Variants in BCAR3 observed in about 807,000 individuals in gnomAD.
BCAR3 encodes BCAR3 adaptor protein, NSP family member, also known as breast cancer anti-estrogen resistance protein 3.
A neutral mutation model predicts 80.1 loss-of-function variants in BCAR3; 37 were observed. The ratio of observed to expected loss-of-function variants is 0.46; its 90% confidence interval spans 0.36 to 0.61. The LOEUF (loss-of-function observed/expected upper bound fraction) is 0.61, where lower values mean the gene tolerates loss of function less well. Ranked by LOEUF, BCAR3 falls within the 20% of genes least tolerant of loss-of-function variation. The pLI, the probability that BCAR3 is intolerant of heterozygous loss-of-function variation, is 0.00. For missense variants in BCAR3, 978 were observed against 1,068.2 expected, an observed-to-expected ratio of 0.92 and a Z score of 1.18; for synonymous variants, 389 against 418.9, an observed-to-expected ratio of 0.93 and a Z score of 0.87.
At chr1:93,627,721 T>A (rs1675494000) in intron 3 of BCAR3, among the ~76,000 whole-genome samples, 1 of 152,230 alleles carries the variant, frequency 6.6e-6, no homozygotes, top group South Asian at 2.1e-4. Flanking sequence ...TTTTAAAATA[T>A]TCCATTTTAA....
chr1:93,671,095 C>A (rs780397643), intron 2 of BCAR3, among the ~76,000 whole-genome samples: 1 of 152,150 alleles, frequency 6.6e-6, no homozygotes, highest in Non-Finnish European at 1.5e-5. Flanking sequence ...CAGGTTCAAG[C>A]GATTCTCTTG....
At chr1:93,588,162 C>A (rs1403563939) in intron 5 of BCAR3, among the ~76,000 whole-genome samples, 3 of 152,200 alleles carry the variant, frequency 2.0e-5, no homozygotes, top group Non-Finnish European at 4.4e-5. Context: ...GACCCCAAAA[C>A]TGCTGCTGGA....
At chr1:93,648,821 C>G (rs1198599032) in intron 2 of BCAR3, 1 of 152,488 alleles carries the variant, frequency 6.6e-6, no homozygotes, top group Non-Finnish European at 1.5e-5. Context: ...CCAACCTCCT[C>G]CAGGAAGCCC....
At chr1:93,627,264 G>T (rs1675479715) in intron 3 of BCAR3, among the ~76,000 whole-genome samples, 1 of 152,166 alleles carries the variant, frequency 6.6e-6, no homozygotes. Context: ...ATAAACTCAT[G>T]CATGGGTAAA....
chr1:93,667,999 C>T (rs1354879082), intron 2 of BCAR3, among the ~76,000 whole-genome samples: 5 of 152,178 alleles, frequency 3.3e-5, no homozygotes, highest in African/African-American at 9.7e-5. Context: ...AACTGCATAG[C>T]ACCTCTGTTT....
chr1:93,805,959 G>C (rs1444792180), intron 2 of BCAR3, among the ~76,000 whole-genome samples: 1 of 151,918 alleles, frequency 6.6e-6, no homozygotes, highest in Non-Finnish European at 1.5e-5. Flanking sequence ...TAAAAATATG[G>C]TTTCCAAAAT....
intron 9 of BCAR3, among the ~76,000 whole-genome samples, chr1:93,568,617 G>A: frequency 6.6e-6 from 1 of 152,032 alleles, no homozygotes; most frequent in East Asian, 1.9e-4. Flanking sequence ...AAATAAAACT[G>A]GAATTGACCT....
chr1:93,576,001 C>G lies in BCAR3; in HGVS notation c.1802+13G>C, dbSNP rs376588508. 3.1e-6 allele frequency: 5 copies of G among 1,609,272 alleles called. No homozygotes were observed. In the African/African-American group the frequency reaches 5.4e-5, roughly 17 times the overall value. ...CTGGGAGGGTCGGAAGTGCAGAGGA[C>G]GGCACTGCTCACCTTTCAATTATGT... is the stretch of plus-strand genomic sequence containing the variant. On this transcript the variant is annotated intron_variant, in intron 8 of 11. Transcript: ENST00000260502.
At chr1:93,809,995 G>A (rs1653777660) in intron 2 of BCAR3, among the ~76,000 whole-genome samples, 1 of 151,804 alleles carries the variant, frequency 6.6e-6, no homozygotes, top group Non-Finnish European at 1.5e-5. Context: ...GAGGTCAGGA[G>A]TTCGAGACCA....
chr1:93,691,387 T>TGACA (rs1325287587), intron 3 of BCAR3, among the ~76,000 whole-genome samples: 7 of 152,256 alleles, frequency 4.6e-5, no homozygotes, highest in Non-Finnish European at 8.8e-5. Flanking sequence ...GGGGCAAGTA[T>TGACA]GACAGACACA....
intron 2 of BCAR3, among the ~76,000 whole-genome samples, chr1:93,817,417 T>C (rs1029225323): frequency 6.6e-6 from 1 of 152,220 alleles, no homozygotes; most frequent in African/African-American, 2.4e-5. Context: ...GTATTTTACA[T>C]GTTATATTAT....
intron 7 of BCAR3, among the ~76,000 whole-genome samples, chr1:93,580,879 G>C (rs1286955677): frequency 6.6e-6 from 1 of 152,158 alleles, no homozygotes; most frequent in Non-Finnish European, 1.5e-5. Context: ...AATGGTGATG[G>C]GCCGGGTGCG....
intron 2 of BCAR3, among the ~76,000 whole-genome samples, chr1:93,706,903 GC>G (rs1649843953): frequency 2.0e-5 from 3 of 152,206 alleles, no homozygotes; most frequent in Admixed American, 1.3e-4. Context: ...TAGGCCGGGC[GC>G]AGGGGCTTAC....
intron 3 of BCAR3, among the ~76,000 whole-genome samples, chr1:93,701,331 C>A (rs1277750152): frequency 6.6e-6 from 1 of 152,158 alleles, no homozygotes; most frequent in Non-Finnish European, 1.5e-5. Flanking sequence ...TCCTTCCAAC[C>A]CAAAACGTGC....
At chr1:93,846,932 C>T in intron 1 of BCAR3, 1 of 450,716 alleles carries the variant, frequency 2.2e-6, no homozygotes, top group Non-Finnish European at 4.6e-6. Context: ...TTTTTCGAAC[C>T]CCGCGCAAAT....
At chr1:93,713,781 C>G (rs1026031760) in intron 2 of BCAR3, among the ~76,000 whole-genome samples, 1 of 152,058 alleles carries the variant, frequency 6.6e-6, no homozygotes, top group African/African-American at 2.4e-5. Context: ...GAAGTGGTTA[C>G]TTAGTGAATT....
chr1:93,683,555 C>T (rs1044592395), upstream of BCAR3, among the ~76,000 whole-genome samples: 1 of 152,146 alleles, frequency 6.6e-6, no homozygotes, highest in African/African-American at 2.4e-5. Flanking sequence ...CCCAAATGTC[C>T]ATCAGCAGAA....
intron 2 of BCAR3, among the ~76,000 whole-genome samples, chr1:93,757,562 C>T (rs770166956): frequency 1.6e-4 from 25 of 152,210 alleles, no homozygotes; most frequent in Non-Finnish European, 3.1e-4. Context: ...CACGACTCCT[C>T]TGCACTTCAT....
Position 93,582,876 on chromosome 1 carries a change from C to CGCT in BCAR3, c.1108_1110dup (p.Ser370dup). Reference sequence around the variant, plus strand: ...ACCACTGCTGGGCTCAGGGCAGGCTCGCTTCCCGTCCTGAACACAGGTGAG... The same window carrying CGCT: ...ACCACTGCTGGGCTCAGGGCAGGCTCGCTGCTTCCCGTCCTGAACACAGGTGAG... On this transcript the variant is annotated inframe_insertion, in exon 7 of 12. Coordinates refer to ENST00000260502, the MANE Select transcript of BCAR3 (RefSeq NM_003567.4). 6.2e-7 allele frequency: 1 copy of CGCT among 1,611,062 alleles called. No homozygotes were observed.
Sources: allele counts gnomAD v4.1 joint callset (sites outside exome capture counted in the v4.1 genomes callset), GRCh38; gene constraint gnomAD v4.1.1; transcripts MANE v1.5; gene names NCBI Gene and HGNC (gene_info 2026-07-23, HGNC 2026-07-21).